The following ZCWPW2 variants were observed in gnomAD, a reference collection of about 807,000 sequenced individuals.
ZCWPW2 encodes the protein zinc finger CW-type and PWWP domain containing 2.
In ZCWPW2, 45 loss-of-function variants were observed where a neutral mutation model predicts 46.6. The ratio of observed to expected loss-of-function variants is 0.96; its 90% CI spans 0.76 to 1.24. The LOEUF is 1.24. Ranked by LOEUF, ZCWPW2 falls within the 50% of genes most tolerant of loss-of-function variation. The pLI is 0.00. For synonymous variants in ZCWPW2, 152 were observed against 137.1 expected (o/e 1.11, Z -0.76); for missense variants, 429 against 403.9 (o/e 1.06, Z -0.53).
chr3:28,492,119 T>G lies in ZCWPW2; in HGVS notation c.611-8T>G, dbSNP rs1346207436. 3.7e-6 allele frequency: 6 copies of G among 1,609,436 alleles called. No individual in the cohort carries two copies. The highest frequency in any genetic ancestry group is 5.1e-6 in the Non-Finnish European group (6 of 1,178,114). On this transcript the variant is annotated splice_region_variant and splice_polypyrimidine_tract_variant and intron_variant, in intron 5 of 9. Coordinates refer to ENST00000383768, the MANE Select transcript of ZCWPW2 (RefSeq NM_001040432.4). ...TTTTTGAAGCAGCCATGTTTCATTG[T>G]CTTACAGATAAATCCGAAACACATG...
intron 1 of ZCWPW2, among the ~76,000 whole-genome samples, chr3:28,387,749 T>C (rs1695328304): frequency 2.0e-5 from 3 of 152,210 alleles, no homozygotes; most frequent in Admixed American, 2.0e-4. Flanking sequence ...ATAACAATGA[T>C]TAAACTGGCA....
intron 4 of ZCWPW2, among the ~76,000 whole-genome samples, chr3:28,476,231 C>G (rs1485784956): frequency 6.6e-6 from 1 of 151,662 alleles, no homozygotes; most frequent in African/African-American, 2.4e-5. Context: ...AAGGCACATT[C>G]TATATTGTGA....
intron 6 of ZCWPW2, among the ~76,000 whole-genome samples, 193 bp from the exon 7 acceptor site, chr3:28,513,871 C>G (rs1700491842): frequency 6.6e-6 from 1 of 151,796 alleles, no homozygotes; most frequent in Non-Finnish European, 1.5e-5. Flanking sequence ...CAGTTTAGCA[C>G]TCCTGAAAGA....
chr3:28,386,747 TA>T (rs1206108773), intron 1 of ZCWPW2, among the ~76,000 whole-genome samples: 1 of 152,208 alleles, frequency 6.6e-6, no homozygotes, highest in Admixed American at 6.5e-5. Flanking sequence ...CTCTACTGTT[TA>T]TTAAGCCTAT....
At position 28,364,171 on chromosome 3, in the gene ZCWPW2, T is replaced by C. The variant is rs78407056; in HGVS notation, c.-134+14968T>C. Among the ~76,000 whole-genome samples, 1,343 of 152,284 alleles carry C rather than the reference T, an allele frequency of 8.8e-3. 23 individuals carry two copies. Among genetic ancestry groups the C allele is most frequent in the African/African-American group, 0.031 (1,285 of 41,570 alleles). On this transcript the variant is annotated intron_variant, in intron 1 of 9. Coordinates refer to ENST00000383768, the MANE Select transcript of ZCWPW2 (RefSeq NM_001040432.4). Reference sequence around the variant, plus strand: ...TGGAATGACAGAAACTTTTATATATTCTTCATGGGAGTATAAGTTGGTACA... The same window carrying C: ...TGGAATGACAGAAACTTTTATATATCCTTCATGGGAGTATAAGTTGGTACA...
chr3:28,464,807 G>C (rs766208782), intron 4 of ZCWPW2, among the ~76,000 whole-genome samples: 3 of 152,024 alleles, frequency 2.0e-5, no homozygotes, highest in Non-Finnish European at 4.4e-5. Flanking sequence ...TTTAATATTG[G>C]GGGGAGTAAA....
intron 4 of ZCWPW2, among the ~76,000 whole-genome samples, chr3:28,440,301 G>A (rs1054175409): frequency 7.2e-5 from 11 of 152,266 alleles, no homozygotes; most frequent in African/African-American, 1.7e-4. Context: ...TAATGGAATC[G>A]TTGTTGTGTC....
chr3:28,367,841 C>T (rs893185921), intron 1 of ZCWPW2, among the ~76,000 whole-genome samples: 5 of 152,144 alleles, frequency 3.3e-5, no homozygotes, highest in African/African-American at 1.2e-4. Context: ...GTATTGGCTG[C>T]ATATATATTT....
chr3:28,388,616 A>G (rs532572067), intron 1 of ZCWPW2, among the ~76,000 whole-genome samples: 2 of 152,354 alleles, frequency 1.3e-5, no homozygotes, highest in East Asian at 3.9e-4. Flanking sequence ...TATTAGGGGA[A>G]GAAAACAAAG....
At chr3:28,409,423 G>C (rs1005114465) in intron 2 of ZCWPW2, among the ~76,000 whole-genome samples, 3 of 151,978 alleles carry the variant, frequency 2.0e-5, no homozygotes, top group Non-Finnish European at 2.9e-5. Context: ...CCCGGCCACT[G>C]TTTTCTCCCT....
chr3:28,441,442 A>G (rs757521284), intron 4 of ZCWPW2, among the ~76,000 whole-genome samples: 4 of 152,148 alleles, frequency 2.6e-5, no homozygotes, highest in Admixed American at 6.5e-5. Flanking sequence ...AGTTTTGCCT[A>G]CTGGGAAGAT....
chr3:28,492,219 A>G (rs1282816355), intron 6 of ZCWPW2, 46 bp downstream of exon 6: 2 of 1,469,810 alleles, frequency 1.4e-6, no homozygotes, highest in Non-Finnish European at 9.2e-7. Context: ...TTCAAATTTC[A>G]TTTAACACTA....
chr3:28,414,223 T>C (rs1696540867), intron 3 of ZCWPW2, among the ~76,000 whole-genome samples: 1 of 151,828 alleles, frequency 6.6e-6, no homozygotes, highest in South Asian at 2.1e-4. Context: ...TAATTTTTTT[T>C]CTTTTTTTTC....
chr3:28,443,783 G>A (rs1038432109), intron 4 of ZCWPW2, among the ~76,000 whole-genome samples: 30 of 152,132 alleles, frequency 2.0e-4, no homozygotes, highest in African/African-American at 7.2e-4. Context: ...CAATTACAGG[G>A]CTCCTCAAAA....
Position 28,358,693 on chromosome 3 carries a change from C to A in ZCWPW2, c.-134+9490C>A, listed in dbSNP as rs142222790. Among the ~76,000 whole-genome samples the A allele has an allele frequency of 1.1e-3, 165 of 152,070 alleles. 1 individual carries two copies. Among genetic ancestry groups the A allele is most frequent in the African/African-American group, 3.7e-3 (152 of 41,436 alleles). ...TGTTGTGTAGTAGAATTCAAAGCGA[C>A]ACATTCCCTTTGTACTTGAAATAAA... On this transcript the variant is annotated intron_variant, in intron 1 of 9. Coordinates refer to ENST00000383768, the MANE Select transcript of ZCWPW2 (RefSeq NM_001040432.4).
intron 1 of ZCWPW2, among the ~76,000 whole-genome samples, chr3:28,369,272 C>T (rs1047852170): frequency 6.6e-6 from 1 of 152,030 alleles, no homozygotes; most frequent in African/African-American, 2.4e-5. Context: ...CTGTTTTTTC[C>T]CCATCTTTGT....
In ZCWPW2 at chr3:28,525,073, A is replaced by G. The variant is rs934917681; in HGVS notation, c.*385A>G. ...AATTCTCAGAGGTAATTCAAATCTAATAAACTTAGAGAATGTATATTTGCA... is the reference window on the plus strand; with the variant it reads ...AATTCTCAGAGGTAATTCAAATCTAGTAAACTTAGAGAATGTATATTTGCA... On this transcript the variant is annotated 3_prime_UTR_variant, in exon 10 of 10. Coordinates refer to ENST00000383768, the MANE Select transcript of ZCWPW2 (RefSeq NM_001040432.4). The G allele has an allele frequency of 6.5e-6, 1 of 152,790 alleles. No individual in the cohort carries two copies. The highest frequency in any genetic ancestry group is 2.4e-5 in the African/African-American group (1 of 41,470). 9.5% of individuals were successfully genotyped at this position (152,790 alleles called of 1,614,324 possible). A position where few individuals can be genotyped will look rare whatever the true frequency, so the allele number is the denominator to read the frequency against.
At position 28,385,144 on chromosome 3, in the gene ZCWPW2, G is replaced by T. The variant is rs537449200; in HGVS notation, c.-133-5354G>T. Among the ~76,000 whole-genome samples, 211 of 152,248 alleles carry T rather than the reference G, an allele frequency of 1.4e-3. 1 individual carries two copies. The highest frequency in any genetic ancestry group is 2.6e-3 in the Non-Finnish European group (177 of 68,012). ...TTTTCCTTCTTTAATCCATAATGTG[G>T]CATGTCGTGAAAACAAGACAAGTAG... On this transcript the variant is annotated intron_variant, in intron 1 of 9. Transcript: ENST00000383768.
intron 1 of ZCWPW2, among the ~76,000 whole-genome samples, chr3:28,373,494 G>A (rs747588654): frequency 6.6e-6 from 1 of 151,918 alleles, no homozygotes; most frequent in African/African-American, 2.4e-5. Flanking sequence ...TTGAGATGGA[G>A]TCTCGCTCTG....
Sources: gnomAD v4.1 joint callset for allele counts (sites outside exome capture counted in the v4.1 genomes callset) on GRCh38, gnomAD v4.1.1 for gene constraint, MANE v1.5 for transcripts, NCBI Gene and HGNC (gene_info 2026-07-23, HGNC 2026-07-21) for gene names.